DNAH5: variants seen among roughly 807,000 people sequenced by gnomAD.
DNAH5 encodes the protein axonemal beta dynein heavy chain 5.
A neutral mutation model predicts 518.2 loss-of-function variants in DNAH5; 372 were observed. That is an observed-to-expected ratio of 0.72 (90% CI 0.66 to 0.78). The LOEUF (loss-of-function observed/expected upper bound fraction) is 0.78, where lower values mean the gene tolerates loss of function less well. Among genes scored for constraint, DNAH5 ranks in the 30% least tolerant of loss-of-function variants. The probability of loss-of-function intolerance (pLI) is 0.00; values close to 1 mark genes in which losing one functional copy is unlikely to be tolerated. For missense variants in DNAH5, 5,523 were observed against 5,687.0 expected (o/e 0.97, Z 0.93); for synonymous variants, 2,039 against 2,025.9 (o/e 1.01, Z -0.17).
chr5:13,692,229 T>A (rs978316329), intron 78 of DNAH5, 94 bp from the exon 79 acceptor site: 1 of 1,404,432 alleles, frequency 7.1e-7, no homozygotes, highest in African/African-American at 1.4e-5. Flanking sequence ...TGTAGGTCAT[T>A]TCAAAAACAG....
rs994169250 is a variant in DNAH5, at chr5:13,809,256, C to T, written c.7610-70G>A. 2.5e-5 allele frequency: 39 copies of T among 1,575,534 alleles called. No homozygotes were observed. The South Asian group carries it at 4.3e-4, about 17-fold the overall frequency. On this transcript the variant is annotated intron_variant, in intron 45 of 78. Coordinates refer to ENST00000265104, the MANE Select transcript of DNAH5 (RefSeq NM_001369.3). ...ACTCCGAACTGTAATGAGCAGACAT[C>T]CTTGAAATCTTATGAGGTCACCTTC...
In DNAH5 at chr5:13,753,247, G is replaced by A. The variant is rs1283070426; in HGVS notation, c.10858C>T (p.Arg3620Ter). ...ACACAAATTACCTGGAGTTCATTTC[G>A]GCTTTCTTTATTTTTAATCCAGATC... is the stretch of plus-strand genomic sequence containing the variant. ...GKIWIKNKES[R>*]NELQITSLNH... Residue 3620 changes from arginine (R) to a stop codon, truncating the protein, a stop_gained, in exon 63 of 79, where the codon CGA (arginine) becomes TGA (stop). Transcript: ENST00000265104. LOFTEE classifies it high-confidence loss of function. 3.7e-6 allele frequency: 6 copies of A among 1,613,374 alleles called. No individual in the cohort carries two copies. Among genetic ancestry groups the A allele is most frequent in the South Asian group, 2.2e-5 (2 of 91,026 alleles).
chr5:13,800,878 G>T (rs1758647103), intron 47 of DNAH5, among the ~76,000 whole-genome samples: 1 of 152,102 alleles, frequency 6.6e-6, no homozygotes, highest in East Asian at 1.9e-4. Context: ...TCGCTTATTA[G>T]ATTATTGCCT....
intron 1 of DNAH5, among the ~76,000 whole-genome samples, chr5:13,974,771 A>T (rs959796148): frequency 6.6e-6 from 1 of 152,168 alleles, no homozygotes; most frequent in African/African-American, 2.4e-5. Context: ...CACAGGCCTC[A>T]ATGAGCATCT....
At position 13,882,966 on chromosome 5, in the gene DNAH5, C is replaced by T. The variant is rs146828513; in HGVS notation, c.3112G>A (p.Val1038Met). ...EDVQQTLNKA[V>M]ECIISVPKGV... Reference sequence around the variant, plus strand: ...TTAGGGACACTGATGATGCACTCCACGGCTTTGTTCAGGGTCTGCTGTACA... The same window carrying T: ...TTAGGGACACTGATGATGCACTCCATGGCTTTGTTCAGGGTCTGCTGTACA... The change falls in exon 20 of 79, where the codon GTG (valine) becomes ATG (methionine). Residue 1038 changes from valine to methionine, a missense_variant. Physicochemically the swap from Val to Met is conservative, Grantham distance 21 (BLOSUM62 1). Transcript: ENST00000265104. The T allele has an allele frequency of 1.3e-3, 2,123 of 1,614,174 alleles. 39 individuals carry two copies. The South Asian group carries it at 0.02, about 15-fold the overall frequency.
At chr5:13,974,824 T>C (rs1311935235) in intron 1 of DNAH5, among the ~76,000 whole-genome samples, 4 of 152,138 alleles carry the variant, frequency 2.6e-5, no homozygotes, top group Non-Finnish European at 5.9e-5. Context: ...ACTCCCCCAC[T>C]GCCTCTGAGC....
chr5:13,758,902 G>A lies in DNAH5; in HGVS notation c.10363C>T (p.Gln3455Ter). The change falls in exon 61 of 79, where the codon CAG (glutamine) becomes TAG (stop). Residue 3455 changes from glutamine to a stop codon, truncating the protein, a stop_gained. Coordinates refer to ENST00000265104, the MANE Select transcript of DNAH5 (RefSeq NM_001369.3). LOFTEE classifies it high-confidence loss of function. ...QKAQAELDDKQAELDVVQAEY... is the reference protein window; with the variant it reads ...QKAQAELDDK ...GCCTGCACCACGTCAAGTTCCGCCT[G>A]CTTGTCATCCAACTCGGCCTGGGCT... 2 of 1,614,164 alleles carry A rather than the reference G, an allele frequency of 1.2e-6. No individual in the cohort carries two copies. Among genetic ancestry groups the A allele is most frequent in the Non-Finnish European group, 1.7e-6 (2 of 1,180,014 alleles).
chr5:13,734,127 G>A (rs1397717941), intron 68 of DNAH5, among the ~76,000 whole-genome samples: 1 of 152,062 alleles, frequency 6.6e-6, no homozygotes, highest in African/African-American at 2.4e-5. Context: ...AATGAGATTA[G>A]TGCCCTTATA....
At chr5:13,931,962 G>A (rs1778471812) in intron 1 of DNAH5, 2 of 152,496 alleles carry the variant, frequency 1.3e-5, no homozygotes, top group South Asian at 4.1e-4. Context: ...TATTCAGTAT[G>A]AATGTACCAT....
At chr5:13,946,340 C>T (rs935570236), upstream of DNAH5, among the ~76,000 whole-genome samples, 10 of 152,214 alleles carry the variant, frequency 6.6e-5, no homozygotes, top group East Asian at 1.7e-3. Flanking sequence ...CACAGCAAAC[C>T]GGGAAGCCTT....
intron 65 of DNAH5, among the ~76,000 whole-genome samples, chr5:13,745,445 A>G (rs1482111638): frequency 6.6e-6 from 1 of 152,126 alleles, no homozygotes; most frequent in East Asian, 1.9e-4. Flanking sequence ...GCTTCCTTGC[A>G]TCCATACGCT....
intron 1 of DNAH5, among the ~76,000 whole-genome samples, chr5:13,980,566 C>G (rs1482638963): frequency 1.3e-5 from 2 of 152,160 alleles, no homozygotes; most frequent in African/African-American, 4.8e-5. Context: ...TGAAACCCCA[C>G]CAGCTCTGCT....
chr5:13,999,180 A>G (rs1046912090), intron 1 of DNAH5, among the ~76,000 whole-genome samples: 16 of 152,224 alleles, frequency 1.1e-4, no homozygotes, highest in African/African-American at 3.9e-4. Context: ...CCTGCCATTA[A>G]TTACTTTTTA....
chr5:13,778,931 G>A (rs1273392986), intron 53 of DNAH5, among the ~76,000 whole-genome samples: 1 of 152,198 alleles, frequency 6.6e-6, no homozygotes, highest in Non-Finnish European at 1.5e-5. Context: ...GAGAGTGGTG[G>A]TTGGGTATAC....
chr5:13,736,773 C>A (rs989074329), intron 66 of DNAH5, among the ~76,000 whole-genome samples: 1 of 152,068 alleles, frequency 6.6e-6, no homozygotes, highest in African/African-American at 2.4e-5. Context: ...ATAGCCGATC[C>A]AACTGAATTA....
intron 51 of DNAH5, among the ~76,000 whole-genome samples, chr5:13,788,108 A>G (rs1756354339): frequency 1.3e-5 from 2 of 152,178 alleles, no homozygotes; most frequent in African/African-American, 4.8e-5. Context: ...TGGAACCATA[A>G]TCACAAAAGC....
chr5:13,711,902 G>A (rs960355245), intron 75 of DNAH5, among the ~76,000 whole-genome samples: 2 of 152,142 alleles, frequency 1.3e-5, no homozygotes, highest in South Asian at 2.1e-4. Flanking sequence ...TACATTTCAT[G>A]GTCATGGATG....
chr5:13,792,315 T>A (rs536516612), intron 49 of DNAH5, 98 bp from the exon 50 acceptor site: 505 of 917,926 alleles, frequency 5.5e-4, no homozygotes, highest in Non-Finnish European at 8.4e-4. Context: ...AATGTCATTA[T>A]ACATTTTAAT....
intron 1 of DNAH5, among the ~76,000 whole-genome samples, chr5:13,953,515 TCC>T: frequency 6.6e-6 from 1 of 152,132 alleles, no homozygotes; most frequent in African/African-American, 2.4e-5. Flanking sequence ...TGAAGTAAAT[TCC>T]AAGTTGGGGA....
Sources: gnomAD v4.1 joint callset for allele counts (sites outside exome capture counted in the v4.1 genomes callset) on GRCh38, gnomAD v4.1.1 for gene constraint, MANE v1.5 for transcripts, NCBI Gene and HGNC (gene_info 2026-07-23, HGNC 2026-07-21) for gene names.